The following CSTPP1 variants were observed in gnomAD, a reference collection of about 807,000 sequenced individuals.
The protein encoded by CSTPP1 is UPF0705 protein C11orf49.
the CSTPP1 span, among the ~76,000 whole-genome samples, chr11:47,099,326 T>G: frequency 6.6e-6 from 1 of 152,332 alleles, no homozygotes; most frequent in African/African-American, 2.4e-5. Flanking sequence ...TTACTCTTCC[T>G]TCTGAATTTT....
At chr11:46,988,252 A>G in the CSTPP1 span, among the ~76,000 whole-genome samples, 1 of 152,174 alleles carries the variant, frequency 6.6e-6, no homozygotes, top group African/African-American at 2.4e-5. Flanking sequence ...TCGAATAAAT[A>G]TCAGTACTCC....
chr11:46,958,469 G>A, the CSTPP1 span, among the ~76,000 whole-genome samples: 1 of 149,144 alleles, frequency 6.7e-6, no homozygotes, highest in African/African-American at 2.5e-5. Flanking sequence ...AGTTATATGT[G>A]GATATTTTTT....
chr11:47,006,463 T>C, the CSTPP1 span, among the ~76,000 whole-genome samples: 1 of 152,218 alleles, frequency 6.6e-6, no homozygotes, highest in Non-Finnish European at 1.5e-5. Flanking sequence ...TTTCTTTATA[T>C]TTAAACTATT....
At chr11:47,050,355 T>C in the CSTPP1 span, among the ~76,000 whole-genome samples, 1 of 152,188 alleles carries the variant, frequency 6.6e-6, no homozygotes, top group African/African-American at 2.4e-5. Context: ...TCAGGTAATA[T>C]AGTAGAGGCA....
the CSTPP1 span, among the ~76,000 whole-genome samples, chr11:47,077,689 A>G: frequency 6.6e-6 from 1 of 152,204 alleles, no homozygotes; most frequent in Non-Finnish European, 1.5e-5. Context: ...ATGATAATGG[A>G]AGGTAGTTGC....
the CSTPP1 span, among the ~76,000 whole-genome samples, chr11:46,941,035 A>C: frequency 6.6e-6 from 1 of 152,352 alleles, no homozygotes; most frequent in East Asian, 1.9e-4. Flanking sequence ...AAACAGAATC[A>C]GAGTCTCAGG....
chr11:47,070,267 G>A, the CSTPP1 span, among the ~76,000 whole-genome samples: 5 of 146,774 alleles, frequency 3.4e-5, no homozygotes, highest in African/African-American at 5.0e-5. Flanking sequence ...GGAGAGAGGG[G>A]GAGAGAGAGA....
At chr11:46,942,649 T>C in the CSTPP1 span, among the ~76,000 whole-genome samples, 167 of 152,326 alleles carry the variant, frequency 1.1e-3, no homozygotes, top group African/African-American at 3.8e-3. Context: ...GGTAGTTTTT[T>C]TTTTAAGCTA....
chr11:47,134,938 G>A, the CSTPP1 span, among the ~76,000 whole-genome samples: 6 of 151,984 alleles, frequency 3.9e-5, no homozygotes, highest in Admixed American at 6.6e-5. Flanking sequence ...ACGAGACCCC[G>A]TCTCTACAAA....
At chr11:47,075,136 C>G in the CSTPP1 span, among the ~76,000 whole-genome samples, 1 of 152,192 alleles carries the variant, frequency 6.6e-6, no homozygotes, top group Admixed American at 6.5e-5. Flanking sequence ...TTTGGGGAGG[C>G]CAAGGCAGGA....
chr11:46,992,093 A>G, the CSTPP1 span, among the ~76,000 whole-genome samples: 2 of 152,162 alleles, frequency 1.3e-5, no homozygotes, highest in Admixed American at 1.3e-4. Flanking sequence ...TGCTTTGCAT[A>G]TAATAGATGT....
At chr11:47,040,675 A>C in the CSTPP1 span, among the ~76,000 whole-genome samples, 3 of 126,668 alleles carry the variant, frequency 2.4e-5, 1 homozygote, top group Admixed American at 2.6e-4. Flanking sequence ...GGCAACCTTC[A>C]TCCAACCCAA....
the CSTPP1 span, among the ~76,000 whole-genome samples, chr11:46,942,294 T>A: frequency 6.6e-6 from 1 of 152,206 alleles, no homozygotes; most frequent in African/African-American, 2.4e-5. Context: ...TGAAACCTAC[T>A]TAGTGGAAGC....
chr11:47,038,540 C>A, the CSTPP1 span, among the ~76,000 whole-genome samples: 6 of 104,212 alleles, frequency 5.8e-5, no homozygotes, highest in Middle Eastern at 8.1e-3. Flanking sequence ...CGGGCAGAGG[C>A]GCCCCTCACC....
At chr11:46,996,636 A>C in the CSTPP1 span, among the ~76,000 whole-genome samples, 1 of 152,066 alleles carries the variant, frequency 6.6e-6, no homozygotes, top group Non-Finnish European at 1.5e-5. Context: ...TTTGCTCTTT[A>C]GTTGATGCAG....
the CSTPP1 span, among the ~76,000 whole-genome samples, chr11:47,163,839 T>A: frequency 6.6e-6 from 1 of 151,522 alleles, no homozygotes; most frequent in African/African-American, 2.4e-5. Context: ...AGAAATGGGG[T>A]CTCACCATGT....
the CSTPP1 span, among the ~76,000 whole-genome samples, chr11:47,103,974 T>TA: frequency 2.0e-5 from 3 of 152,128 alleles, no homozygotes; most frequent in Non-Finnish European, 4.4e-5. Flanking sequence ...ATAATGGCCA[T>TA]ATTTAAAGAT....
the CSTPP1 span, among the ~76,000 whole-genome samples, chr11:47,070,265 G>A: frequency 6.6e-6 from 1 of 151,658 alleles, no homozygotes; most frequent in Non-Finnish European, 1.5e-5. Context: ...ATGGAGAGAG[G>A]GGGAGAGAGA....
chr11:47,053,702 G>T, the CSTPP1 span, among the ~76,000 whole-genome samples: 1 of 152,030 alleles, frequency 6.6e-6, no homozygotes, highest in Non-Finnish European at 1.5e-5. Context: ...AGCATTTTGG[G>T]AGCCCAAGGT....
Sources: allele counts gnomAD v4.1 joint callset (sites outside exome capture counted in the v4.1 genomes callset), GRCh38; gene constraint gnomAD v4.1.1; transcripts MANE v1.5; gene names NCBI Gene and HGNC (gene_info 2026-07-23, HGNC 2026-07-21).